The following CACNA2D3 variants were observed in gnomAD, a reference collection of about 807,000 sequenced individuals.
The protein encoded by CACNA2D3 is calcium voltage-gated channel auxiliary subunit alpha2delta 3.
CACNA2D3 carries 60 observed loss-of-function variants against 160.6 expected under a neutral mutation model. That is an observed-to-expected ratio of 0.37 (90% CI 0.30 to 0.46). The LOEUF is 0.46. Ranked by LOEUF, CACNA2D3 falls within the 20% of genes least tolerant of loss-of-function variation. CACNA2D3 has a pLI of 1.00. For synonymous variants in CACNA2D3, 558 were observed against 492.9 expected (o/e 1.13, Z -1.75); for missense variants, 1,205 against 1,365.0 (o/e 0.88, Z 1.85).
At chr3:54,550,329 G>A (rs1386559398) in intron 5 of CACNA2D3, among the ~76,000 whole-genome samples, 1 of 152,144 alleles carries the variant, frequency 6.6e-6, no homozygotes, top group Non-Finnish European at 1.5e-5. Flanking sequence ...TTCCTTGCTG[G>A]GCCTCGGTTC....
intron 9 of CACNA2D3, among the ~76,000 whole-genome samples, chr3:54,618,274 T>C (rs540380006): frequency 4.0e-5 from 6 of 150,412 alleles, no homozygotes; most frequent in Non-Finnish European, 8.9e-5. Context: ...TATAGTAATG[T>C]TGAAAACATA....
intron 10 of CACNA2D3, among the ~76,000 whole-genome samples, chr3:54,640,509 T>G (rs1189819078): frequency 6.6e-6 from 1 of 152,162 alleles, no homozygotes; most frequent in African/African-American, 2.4e-5. Flanking sequence ...GGCAACCATA[T>G]TCAGTCACTC....
At chr3:54,153,060 A>C (rs1160199599) in intron 2 of CACNA2D3, among the ~76,000 whole-genome samples, 2 of 152,168 alleles carry the variant, frequency 1.3e-5, no homozygotes, top group African/African-American at 4.8e-5. Flanking sequence ...CTTTTTGGAG[A>C]AGAATGCAAA....
chr3:54,703,251 A>C (rs189279362), intron 11 of CACNA2D3, among the ~76,000 whole-genome samples: 5 of 152,182 alleles, frequency 3.3e-5, no homozygotes, highest in African/African-American at 1.2e-4. Flanking sequence ...AAGAAAAAAA[A>C]AGGATAAAAA....
chr3:54,616,591 TAGG>T (rs950024479), intron 9 of CACNA2D3, among the ~76,000 whole-genome samples: 5 of 152,176 alleles, frequency 3.3e-5, no homozygotes, highest in Non-Finnish European at 7.4e-5. Flanking sequence ...GTGAGAATCA[TAGG>T]AGGCCATTTT....
chr3:54,219,814 C>T (rs1701531902), intron 2 of CACNA2D3, among the ~76,000 whole-genome samples: 1 of 152,002 alleles, frequency 6.6e-6, no homozygotes, highest in Non-Finnish European at 1.5e-5. Flanking sequence ...GTTGTGCTCA[C>T]TCATAATCTG....
At chr3:54,191,763 A>T (rs1014224441) in intron 2 of CACNA2D3, among the ~76,000 whole-genome samples, 1 of 151,906 alleles carries the variant, frequency 6.6e-6, no homozygotes, top group African/African-American at 2.4e-5. Context: ...CTCTTTTCTG[A>T]TGTTTGGGAA....
chr3:54,636,459 G>C (rs557719134), intron 10 of CACNA2D3, among the ~76,000 whole-genome samples: 1 of 152,084 alleles, frequency 6.6e-6, no homozygotes, highest in Non-Finnish European at 1.5e-5. Context: ...AAGCATATGC[G>C]TCAGGTATGA....
At chr3:54,456,829 A>G (rs972046144) in intron 4 of CACNA2D3, among the ~76,000 whole-genome samples, 8 of 151,820 alleles carry the variant, frequency 5.3e-5, no homozygotes, top group Admixed American at 4.6e-4. Flanking sequence ...AAATCTTTAT[A>G]AGTTGTATGT....
At chr3:54,556,270 C>G (rs1209363912) in intron 5 of CACNA2D3, among the ~76,000 whole-genome samples, 2 of 152,030 alleles carry the variant, frequency 1.3e-5, no homozygotes, top group Non-Finnish European at 2.9e-5. Context: ...GTGCCTAAAC[C>G]CAATGACCAG....
chr3:54,172,316 G>T (rs747682571), intron 2 of CACNA2D3, among the ~76,000 whole-genome samples: 4 of 152,200 alleles, frequency 2.6e-5, no homozygotes, highest in Non-Finnish European at 5.9e-5. Context: ...GTAGTCTTTG[G>T]CAAGCCCTGG....
At chr3:54,648,150 G>A (rs1699689620) in intron 11 of CACNA2D3, among the ~76,000 whole-genome samples, 1 of 152,230 alleles carries the variant, frequency 6.6e-6, no homozygotes, top group Admixed American at 6.5e-5. Context: ...TTATTTAAAG[G>A]AGAGGTTGAC....
chr3:54,426,231 A>G (rs1053582566), intron 4 of CACNA2D3, among the ~76,000 whole-genome samples: 2 of 152,210 alleles, frequency 1.3e-5, no homozygotes, highest in African/African-American at 4.8e-5. Flanking sequence ...GGATATTTGC[A>G]AAGTTTACTT....
At chr3:54,836,970 T>C (rs1281534640) in intron 14 of CACNA2D3, among the ~76,000 whole-genome samples, 189 bp from the exon 15 acceptor site, 1 of 152,202 alleles carries the variant, frequency 6.6e-6, no homozygotes, top group Non-Finnish European at 1.5e-5. Flanking sequence ...TTTCCCCAGC[T>C]GGGGGCTGGG....
chr3:54,692,707 C>G lies in CACNA2D3; in HGVS notation c.1167+50466C>G, dbSNP rs2106934852. ...TGGATCCCCACCCAGTTACCTGTAT[C>G]AACTCACCAAAAGGCAGGATGGGCT... On this transcript the variant is annotated intron_variant, in intron 11 of 37. Transcript: ENST00000474759. 4.6e-5 allele frequency among the ~76,000 whole-genome samples: 7 copies of G among 152,282 alleles called. No homozygotes were observed. In the South Asian group the frequency reaches 1.5e-3, roughly 32 times the overall value.
Position 54,909,638 on chromosome 3 carries a change from T to A in CACNA2D3, c.2449+9770T>A, listed in dbSNP as rs186333377. ...TTCTTAAAACATTATGAGATTTTTT[T>A]TGTGATTTTTTTTTTTTTTTTTTTT... On this transcript the variant is annotated intron_variant, in intron 27 of 37. Transcript: ENST00000474759. 1.2e-3 allele frequency among the ~76,000 whole-genome samples: 176 copies of A among 146,820 alleles called. 2 individuals carry two copies. The East Asian group carries it at 0.03, about 25-fold the overall frequency.
intron 11 of CACNA2D3, among the ~76,000 whole-genome samples, chr3:54,733,881 T>C (rs1341658620): frequency 6.6e-6 from 1 of 152,076 alleles, no homozygotes; most frequent in Non-Finnish European, 1.5e-5. Flanking sequence ...AGTGAACACG[T>C]AGCCCAAGTT....
intron 2 of CACNA2D3, among the ~76,000 whole-genome samples, chr3:54,284,709 G>C (rs1702966262): frequency 6.6e-6 from 1 of 152,176 alleles, no homozygotes; most frequent in African/African-American, 2.4e-5. Flanking sequence ...AATAAAAATA[G>C]TCGTCCAATT....
intron 2 of CACNA2D3, among the ~76,000 whole-genome samples, chr3:54,196,135 G>A (rs1701075538): frequency 6.6e-6 from 1 of 152,166 alleles, no homozygotes; most frequent in African/African-American, 2.4e-5. Flanking sequence ...ATGCCTTTCA[G>A]TATCATTATG....
Sources: gnomAD v4.1 joint callset for allele counts (sites outside exome capture counted in the v4.1 genomes callset) on GRCh38, gnomAD v4.1.1 for gene constraint, MANE v1.5 for transcripts, NCBI Gene and HGNC (gene_info 2026-07-23, HGNC 2026-07-21) for gene names.